The following RNF141 variants were observed in gnomAD, a reference collection of about 807,000 sequenced individuals.
The protein encoded by RNF141 is ring finger protein 141.
In RNF141, 18 loss-of-function variants were observed where a neutral mutation model predicts 27.4. The observed-to-expected ratio is 0.66, with a 90% CI of 0.45 to 0.97. The LOEUF (loss-of-function observed/expected upper bound fraction) is 0.97. Among genes scored for constraint, RNF141 ranks in the 50% least tolerant of loss-of-function variants. The probability of loss-of-function intolerance (pLI) is 0.00; values close to 1 mark genes in which losing one functional copy is unlikely to be tolerated. For synonymous variants in RNF141, 97 were observed against 96.6 expected (o/e 1.00, Z -0.02); for missense variants, 230 against 279.4 (o/e 0.82, Z 1.26).
intron 1 of RNF141, among the ~76,000 whole-genome samples, chr11:10,537,687 C>T (rs1279067829): frequency 6.6e-6 from 1 of 152,022 alleles, no homozygotes; most frequent in Non-Finnish European, 1.5e-5. Context: ...TAATTAAGGC[C>T]AAAAGCTTAC....
intron 4 of RNF141, among the ~76,000 whole-genome samples, chr11:10,519,640 C>T (rs551598428): frequency 5.5e-4 from 72 of 129,858 alleles, no homozygotes; most frequent in African/African-American, 1.7e-3. Flanking sequence ...TTCTAGGCTA[C>T]AAACATATAT....
intron 4 of RNF141, among the ~76,000 whole-genome samples, chr11:10,524,217 C>CG (rs1849912453): frequency 6.6e-6 from 1 of 151,894 alleles, no homozygotes; most frequent in South Asian, 2.1e-4. Flanking sequence ...AAATGGAGAC[C>CG]GTCCTGGCTA....
chr11:10,537,786 C>G (rs576876419), intron 1 of RNF141, among the ~76,000 whole-genome samples: 3 of 152,284 alleles, frequency 2.0e-5, no homozygotes, highest in African/African-American at 7.2e-5. Context: ...AGAAAAGTGA[C>G]TAGGAAGATA....
rs1363567711 is a variant in RNF141 at position 10,525,208 on chromosome 11, T to C, written c.418A>G (p.Ser140Gly). The C allele has an allele frequency of 6.2e-7, 1 of 1,604,816 alleles. No homozygotes were observed. Among genetic ancestry groups the C allele is most frequent in the Non-Finnish European group, 8.5e-7 (1 of 1,175,962 alleles). ...ATTATATACCTTCCCATCCAAAGAC[T>C]AGCCTGACAAGATGTTACAGAGGAT... ...NSSSVTSCQA[S>G]LWMGRVKQLT... The change falls in exon 4 of 6, where the codon AGT becomes GGT. Residue 140 changes from serine (S) to glycine (G), a missense_variant. By Grantham distance (56) the Ser-to-Gly change is moderately conservative. Coordinates refer to ENST00000265981, the MANE Select transcript of RNF141 (RefSeq NM_016422.4).
At chr11:10,525,583 C>A (rs1460322659) in intron 3 of RNF141, among the ~76,000 whole-genome samples, 1 of 152,184 alleles carries the variant, frequency 6.6e-6, no homozygotes, top group Non-Finnish European at 1.5e-5. Context: ...AAATTTACCT[C>A]ATTTAACACA....
chr11:10,518,982 T>A, intron 5 of RNF141, 52 bp downstream of exon 5: 1 of 1,379,372 alleles, frequency 7.2e-7, no homozygotes, highest in South Asian at 1.2e-5. Context: ...TTTATTCATG[T>A]ACACTATCCC....
chr11:10,515,675 A>G (rs1168156592), intron 5 of RNF141: 1 of 152,246 alleles, frequency 6.6e-6, no homozygotes, highest in African/African-American at 2.4e-5. Flanking sequence ...ACTTCTTGGC[A>G]GTGGCAGGGG....
intron 4 of RNF141, among the ~76,000 whole-genome samples, chr11:10,524,678 A>G (rs1849916617): frequency 6.6e-6 from 1 of 152,252 alleles, no homozygotes; most frequent in Admixed American, 6.5e-5. Flanking sequence ...TGGGTAAACA[A>G]ACATCATCAG....
intron 5 of RNF141, chr11:10,515,282 G>A: frequency 1.8e-6 from 1 of 556,012 alleles, no homozygotes; most frequent in Non-Finnish European, 3.1e-6. Flanking sequence ...GATAGACTAA[G>A]CTGGATTAAG....
chr11:10,531,902 C>T (rs529112949), intron 2 of RNF141: 11 of 315,626 alleles, frequency 3.5e-5, no homozygotes, highest in Admixed American at 1.4e-4. Context: ...TGCCAAGCTT[C>T]GTCCTGTATA....
rs765639255 is a variant in RNF141, at chr11:10,514,981, C to G, written c.628G>C (p.Glu210Gln). The change falls in exon 6 of 6, where the codon GAA becomes CAA. Residue 210 changes from glutamate (E) to glutamine (Q), a missense_variant. Coordinates refer to ENST00000265981, the MANE Select transcript of RNF141 (RefSeq NM_016422.4). Reference sequence around the variant, plus strand: ...AGAATATAGTTAGCCATATCATCTTCAGTGGGTGCATCTGATACCACCCAA... The same window carrying G: ...AGAATATAGTTAGCCATATCATCTTGAGTGGGTGCATCTGATACCACCCAA... ...ESWVVSDAPT[E>Q]DDMANYILNM... 6.2e-7 allele frequency: 1 copy of G among 1,614,036 alleles called. No individual in the cohort carries two copies. Among genetic ancestry groups the G allele is most frequent in the Admixed American group, 1.7e-5 (1 of 59,998 alleles).
intron 3 of RNF141, among the ~76,000 whole-genome samples, chr11:10,528,199 C>T (rs1849955161): frequency 6.6e-6 from 1 of 152,058 alleles, no homozygotes. Context: ...GGTTAAAGTA[C>T]AATTTTTTTA....
intron 3 of RNF141, among the ~76,000 whole-genome samples, chr11:10,529,464 A>G (rs1426210797): frequency 6.6e-6 from 1 of 152,258 alleles, no homozygotes; most frequent in Non-Finnish European, 1.5e-5. Flanking sequence ...AAGAAAAGTA[A>G]CAATGATACA....
intron 3 of RNF141, among the ~76,000 whole-genome samples, chr11:10,527,418 G>A (rs1849945217): frequency 6.7e-6 from 1 of 149,574 alleles, no homozygotes; most frequent in African/African-American, 2.4e-5. Flanking sequence ...TGTCTAGGGG[G>A]AAGATCATTC....
At chr11:10,533,703 C>T (rs190807752) in intron 2 of RNF141, among the ~76,000 whole-genome samples, 1 of 152,148 alleles carries the variant, frequency 6.6e-6, no homozygotes, top group Admixed American at 6.5e-5. Flanking sequence ...TTAGTGCTTT[C>T]AAACAAGAGT....
At chr11:10,519,500 A>G (rs915492001) in intron 4 of RNF141, among the ~76,000 whole-genome samples, 1 of 152,246 alleles carries the variant, frequency 6.6e-6, no homozygotes, top group African/African-American at 2.4e-5. Flanking sequence ...TGCATTAAAG[A>G]CAGAGATACG....
chr11:10,539,573 C>A (rs1850067989), intron 1 of RNF141, among the ~76,000 whole-genome samples: 1 of 143,900 alleles, frequency 6.9e-6, no homozygotes, highest in Admixed American at 7.0e-5. Flanking sequence ...CAGATATCAA[C>A]TTTTTTTTTT....
intron 1 of RNF141, among the ~76,000 whole-genome samples, chr11:10,539,384 T>C (rs1042908030): frequency 6.6e-6 from 1 of 151,976 alleles, no homozygotes; most frequent in African/African-American, 2.4e-5. Context: ...CTGAAACCAG[T>C]TCTCCATCAA....
At chr11:10,526,186 G>GA (rs1350248981) in intron 3 of RNF141, among the ~76,000 whole-genome samples, 2 of 152,192 alleles carry the variant, frequency 1.3e-5, no homozygotes, top group Non-Finnish European at 2.9e-5. Flanking sequence ...TAGGATGGAA[G>GA]ACTGGGGAAG....
Sources: gnomAD v4.1 joint callset for allele counts (sites outside exome capture counted in the v4.1 genomes callset) on GRCh38, gnomAD v4.1.1 for gene constraint, MANE v1.5 for transcripts, NCBI Gene and HGNC (gene_info 2026-07-23, HGNC 2026-07-21) for gene names.